The following SNED1 variants were observed in gnomAD, a reference collection of about 807,000 sequenced individuals.
The protein encoded by SNED1 is sushi, nidogen and EGF-like domain-containing protein 1.
SNED1 carries 81 observed loss-of-function variants against 166.7 expected under a neutral mutation model. The observed-to-expected ratio is 0.49, with a 90% CI of 0.41 to 0.58. The LOEUF (loss-of-function observed/expected upper bound fraction) is 0.58. Among genes scored for constraint, SNED1 ranks in the 20% least tolerant of loss-of-function variants. The probability of loss-of-function intolerance (pLI) is 0.00; values close to 1 mark genes in which losing one functional copy is unlikely to be tolerated. For missense variants in SNED1, 1,604 were observed against 2,000.2 expected, an observed-to-expected ratio of 0.80 and a Z score of 3.78; for synonymous variants, 762 against 822.0, an observed-to-expected ratio of 0.93 and a Z score of 1.25.
intron 1 of SNED1, among the ~76,000 whole-genome samples, chr2:241,011,028 G>C (rs1260176058): frequency 6.6e-6 from 1 of 152,148 alleles, no homozygotes; most frequent in Non-Finnish European, 1.5e-5. Context: ...TGCAGACCCA[G>C]AACAAGCACA....
At chr2:241,077,375 C>T (rs1187750614) in intron 27 of SNED1, among the ~76,000 whole-genome samples, 1 of 152,130 alleles carries the variant, frequency 6.6e-6, no homozygotes. Flanking sequence ...GGTCCTTAGG[C>T]TCAACAATAA....
At chr2:241,038,824 C>T (rs1269830192) in intron 6 of SNED1, among the ~76,000 whole-genome samples, 3 of 152,122 alleles carry the variant, frequency 2.0e-5, no homozygotes, top group Non-Finnish European at 2.9e-5. Context: ...TGGCCAGGGG[C>T]CTGGCTGCGG....
Position 241,068,009 on chromosome 2 carries a change from CG to C in SNED1, c.3194+66del. The C allele has an allele frequency of 1.4e-6, 2 of 1,461,994 alleles. No individual in the cohort carries two copies. The highest frequency in any genetic ancestry group is 1.9e-6 in the Non-Finnish European group (2 of 1,065,408). 90.6% of individuals were successfully genotyped at this position (1,461,994 alleles called of 1,614,324 possible). ...AGGCAGGGGTGGGGGCTCGGGGACA[CG>C]GGGCCCAGGTCTCGGGCACATTCTC... On this transcript the variant is annotated intron_variant, in intron 22 of 31. Transcript: ENST00000310397. The surrounding 1 kb of genome is among the most constrained non-coding windows in gnomAD (Gnocchi z 5.3).
Position 241,060,928 on chromosome 2 carries a change from T to A in SNED1, c.2258-1863T>A, listed in dbSNP as rs201127523. ...TTGGGGGACAGGGTGAGACCCTGTC[T>A]CAAAAAAAAACAACCAAAAAAAACT... On this transcript the variant is annotated intron_variant, in intron 16 of 31. Coordinates refer to ENST00000310397, the MANE Select transcript of SNED1 (RefSeq NM_001080437.3). Among the ~76,000 whole-genome samples the A allele has an allele frequency of 1.0e-4, 15 of 150,168 alleles. No homozygotes were observed. The East Asian group carries it at 3.1e-3, about 31-fold the overall frequency.
chr2:241,071,451 C>T (rs575702926), intron 24 of SNED1, 125 bp from the exon 25 acceptor site: 146 of 1,155,478 alleles, frequency 1.3e-4, no homozygotes, highest in Middle Eastern at 5.6e-4. Flanking sequence ...CCACGGCCCA[C>T]GCACATGCCC....
At chr2:241,077,711 G>C (rs923138123) in intron 27 of SNED1, among the ~76,000 whole-genome samples, 1 of 152,186 alleles carries the variant, frequency 6.6e-6, no homozygotes, top group East Asian at 1.9e-4. Context: ...ATTTCTGCAA[G>C]GAAGATATGC....
chr2:241,043,183 A>G (rs920690096), intron 8 of SNED1, among the ~76,000 whole-genome samples: 9 of 152,244 alleles, frequency 5.9e-5, no homozygotes, highest in African/African-American at 2.2e-4. Flanking sequence ...CCACATTTCC[A>G]AGAAAAGCAT....
intron 8 of SNED1, among the ~76,000 whole-genome samples, chr2:241,047,196 ATGC>A (rs1451508286): frequency 6.6e-6 from 1 of 151,336 alleles, no homozygotes; most frequent in African/African-American, 2.4e-5. Flanking sequence ...AATCAAGATA[ATGC>A]TGCAGTGGCT....
chr2:241,065,184 G>T, intron 20 of SNED1, 115 bp from the exon 21 acceptor site: 1 of 1,095,124 alleles, frequency 9.1e-7, no homozygotes, highest in Non-Finnish European at 1.3e-6. Context: ...GACTCTGCCA[G>T]CGATGGCTGT....
chr2:241,052,528 T>A, intron 15 of SNED1, 60 bp downstream of exon 15: 1 of 1,176,096 alleles, frequency 8.5e-7, no homozygotes, highest in Non-Finnish European at 1.2e-6. Flanking sequence ...GCAGGTGAGA[T>A]GGCCAGGGCC....
At chr2:241,053,646 T>G (rs1358359578) in intron 16 of SNED1, among the ~76,000 whole-genome samples, 2 of 152,330 alleles carry the variant, frequency 1.3e-5, no homozygotes, top group East Asian at 3.9e-4. Context: ...GGCAGAGTCC[T>G]AAAGAGCCAG....
intron 29 of SNED1, 83 bp from the exon 30 acceptor site, chr2:241,087,308 CT>C: frequency 7.6e-7 from 1 of 1,310,724 alleles, no homozygotes; most frequent in East Asian, 2.6e-5. Flanking sequence ...TTCAGGTTTA[CT>C]GTGGGTTCAC....
At chr2:241,054,088 T>C (rs1261144511) in intron 16 of SNED1, among the ~76,000 whole-genome samples, 1 of 151,856 alleles carries the variant, frequency 6.6e-6, no homozygotes, top group Non-Finnish European at 1.5e-5. Flanking sequence ...CGAAGGGTTC[T>C]GGGAACACCT....
chr2:241,048,795 T>C, intron 10 of SNED1, 29 bp downstream of exon 10: 2 of 1,537,428 alleles, frequency 1.3e-6, no homozygotes, highest in Non-Finnish European at 1.8e-6. Context: ...CTTCCTGCCC[T>C]GTCCCTGAGC....
At chr2:241,088,343 G>T in intron 30 of SNED1, 22 bp from the exon 31 acceptor site, 4 of 1,586,502 alleles carry the variant, frequency 2.5e-6, no homozygotes, top group South Asian at 2.2e-5. Flanking sequence ...TTCATTAAAC[G>T]ACTTTTCTCT....
chr2:241,065,610 G>A lies in SNED1; in HGVS notation c.3010+15G>A. On this transcript the variant is annotated intron_variant, in intron 21 of 31. Coordinates refer to ENST00000310397, the MANE Select transcript of SNED1 (RefSeq NM_001080437.3). ...GGCCCGCACGCGTGAGTGTCCCCGA[G>A]CCTGGCCGTCCCTGCCCAGCCCCTG... The A allele has an allele frequency of 6.2e-7, 1 of 1,608,014 alleles. No individual in the cohort carries two copies. Among genetic ancestry groups the A allele is most frequent in the Non-Finnish European group, 8.5e-7 (1 of 1,178,232 alleles).
Position 241,070,211 on chromosome 2 carries a change from G to C in SNED1, c.3589+10G>C, listed in dbSNP as rs374943499. ...CTCTACATCATCACCTGTGAGTGCC[G>C]TGGGCCCTGCGCGTGGGCGGGGCCA... On this transcript the variant is annotated intron_variant, in intron 24 of 31. Transcript: ENST00000310397. 16 of 1,597,018 alleles carry C rather than the reference G, an allele frequency of 1.0e-5. No homozygotes were observed. Among genetic ancestry groups the C allele is most frequent in the Non-Finnish European group, 1.4e-5 (16 of 1,174,388 alleles).
chr2:241,077,954 C>T (rs1161880721), intron 27 of SNED1, among the ~76,000 whole-genome samples: 1 of 152,136 alleles, frequency 6.6e-6, no homozygotes, highest in African/African-American at 2.4e-5. Context: ...TACCGCATGA[C>T]CCAGTAATTG....
chr2:241,067,424 G>A (rs1435843602), intron 21 of SNED1, among the ~76,000 whole-genome samples: 1 of 152,228 alleles, frequency 6.6e-6, no homozygotes, highest in Non-Finnish European at 1.5e-5. Flanking sequence ...GAAAAGGGGA[G>A]GTCCGGGTTA....
Sources: allele counts gnomAD v4.1 joint callset (sites outside exome capture counted in the v4.1 genomes callset), GRCh38; gene constraint gnomAD v4.1.1; non-coding constraint Gnocchi (gnomAD v3.1); transcripts MANE v1.5; gene names NCBI Gene and HGNC (gene_info 2026-07-23, HGNC 2026-07-21).